PARP1: variants seen among roughly 807,000 people sequenced by gnomAD.
PARP1 encodes poly(ADP-ribose) polymerase 1, also known as poly [ADP-ribose] polymerase 1.
Under a neutral mutation model 118.7 loss-of-function variants are expected in PARP1, and 44 were observed. The observed-to-expected ratio is 0.37, with a 90% CI of 0.29 to 0.48. The LOEUF (loss-of-function observed/expected upper bound fraction) is 0.48. PARP1 is among the 20% of genes least tolerant of loss of function. PARP1 has a pLI of 0.99. For missense variants in PARP1, 1,100 were observed against 1,272.4 expected, an observed-to-expected ratio of 0.86 and a Z score of 2.06; for synonymous variants, 492 against 483.2, an observed-to-expected ratio of 1.02 and a Z score of -0.24.
chr1:226,390,309 G>T, intron 4 of PARP1, 101 bp downstream of exon 4: 1 of 1,021,536 alleles, frequency 9.8e-7, no homozygotes, highest in Non-Finnish European at 1.5e-6. Flanking sequence ...CTGACAGTCA[G>T]CGAAGGGAAA....
chr1:226,366,771 CTT>C (rs1664275582), intron 17 of PARP1: 1 of 159,942 alleles, frequency 6.3e-6, no homozygotes, highest in African/African-American at 2.4e-5. Context: ...TAGGTCTATA[CTT>C]TGTCCTAGGA....
At chr1:226,361,598 G>T (rs957589596) in intron 22 of PARP1, 57 bp from the exon 23 acceptor site, 4 of 1,219,442 alleles carry the variant, frequency 3.3e-6, no homozygotes, top group South Asian at 2.4e-5. Context: ...ATGTACATGT[G>T]CCTCATCTCC....
Position 226,367,492 on chromosome 1 carries a change from T to G in PARP1, c.2394A>C (p.Lys798Asn). ...DPIDVNYEKLKTDIKVVDRDS... is the reference protein window; with the variant it reads ...DPIDVNYEKLNTDIKVVDRDS... The stretch of plus-strand genomic sequence containing the variant: ...CTGACCCTGTTACCTTAATGTCAGT[T>G]TTGAGCTTCTCATAGTTGACATCGA... The change falls in exon 17 of 23, where the codon AAA (lysine) becomes AAC (asparagine). Residue 798 changes from lysine (K) to asparagine (N), a missense_variant. By Grantham distance (94) the Lys-to-Asn change is moderately conservative. This residue lies in a region of PARP1 where 948 missense variants were observed against 1,031.8 expected (regional missense o/e 0.92). Coordinates refer to ENST00000366794, the MANE Select transcript of PARP1 (RefSeq NM_001618.4). 1.9e-6 allele frequency: 3 copies of G among 1,614,088 alleles called. No individual in the cohort carries two copies. Among genetic ancestry groups the G allele is most frequent in the South Asian group, 2.2e-5 (2 of 91,072 alleles).
intron 16 of PARP1, among the ~76,000 whole-genome samples, 162 bp from the exon 17 acceptor site, chr1:226,367,770 G>A (rs1476020288): frequency 7.2e-5 from 11 of 152,228 alleles, no homozygotes; most frequent in Admixed American, 1.3e-4. Context: ...CATATTGAGA[G>A]CTCATAAGGA....
At chr1:226,377,021 C>T in intron 13 of PARP1, 87 bp downstream of exon 13, 2 of 1,159,316 alleles carry the variant, frequency 1.7e-6, no homozygotes, top group Non-Finnish European at 2.6e-6. Context: ...TACTATGATG[C>T]CACCTGATCC....
rs999600537 is a variant in PARP1, at chr1:226,380,157, C to T, written c.1308G>A (p.Val436=). 3.7e-6 allele frequency: 6 copies of T among 1,614,116 alleles called. No individual in the cohort carries two copies. Among genetic ancestry groups the T allele is most frequent in the South Asian group, 1.1e-5 (1 of 91,078 alleles). ...ASLCISTKKE[V]EKMNKKMEEV... ...CCTCCATCTTCTTATTCATCTTTTC[C>T]ACCTCCTCTGTTCAAATTGAAAGGA... is the stretch of plus-strand genomic sequence containing the variant. Residue 436 remains valine, a synonymous_variant, in exon 10 of 23, where the codon GTG becomes GTA. Coordinates refer to ENST00000366794, the MANE Select transcript of PARP1 (RefSeq NM_001618.4).
intron 19 of PARP1, 43 bp downstream of exon 19, chr1:226,364,959 C>T (rs1664227451): frequency 6.2e-7 from 1 of 1,609,614 alleles, no homozygotes. Context: ...GAGACACCTG[C>T]AGAGACAGGC....
chr1:226,370,557 G>A (rs2102730286), intron 14 of PARP1, 40 bp from the exon 15 acceptor site: 1 of 1,517,732 alleles, frequency 6.6e-7, no homozygotes, highest in Non-Finnish European at 9.2e-7. Flanking sequence ...GCTGGGCACT[G>A]TGCAGTGTGA....
chr1:226,381,116 T>TC lies in PARP1; in HGVS notation c.1251dup (p.Lys418GlufsTer24), dbSNP rs779960019. The TC allele has an allele frequency of 1.2e-6, 2 of 1,614,108 alleles. No individual in the cohort carries two copies. Among genetic ancestry groups the TC allele is most frequent in the Non-Finnish European group, 8.5e-7 (1 of 1,180,010 alleles). On this transcript the variant is annotated frameshift_variant, in exon 9 of 23. Transcript: ENST00000366794. LOFTEE classifies it high-confidence loss of function. ...GCCTTGTTGGCCGTCCCCGTCAACT[T>TC]CCCCCCGAGTTTCTCAATCATGGCC...
intron 5 of PARP1, among the ~76,000 whole-genome samples, chr1:226,387,847 G>C (rs3219050): frequency 6.6e-6 from 1 of 152,202 alleles, no homozygotes; most frequent in African/African-American, 2.4e-5. Flanking sequence ...CAGTTCTCCT[G>C]CAGCCAGTTT....
intron 1 of PARP1, among the ~76,000 whole-genome samples, chr1:226,406,136 T>C (rs1665141822): frequency 6.6e-6 from 1 of 151,970 alleles, no homozygotes; most frequent in Non-Finnish European, 1.5e-5. Flanking sequence ...AACTTCCAAC[T>C]GTAAAGTGAT....
chr1:226,368,990 C>G (rs1373544058), intron 15 of PARP1, among the ~76,000 whole-genome samples: 5 of 152,262 alleles, frequency 3.3e-5, no homozygotes, highest in Non-Finnish European at 5.9e-5. Flanking sequence ...TGGCACCCAG[C>G]AGGTCCGAAG....
intron 8 of PARP1, among the ~76,000 whole-genome samples, chr1:226,382,207 CAT>C (rs1230874911): frequency 3.3e-5 from 5 of 152,252 alleles, no homozygotes; most frequent in Admixed American, 6.5e-5. Flanking sequence ...GACTATGCCA[CAT>C]GTCTCTGAGT....
At chr1:226,384,232 A>C (rs1171125385) in intron 7 of PARP1, among the ~76,000 whole-genome samples, 1 of 152,224 alleles carries the variant, frequency 6.6e-6, no homozygotes, top group East Asian at 1.9e-4. Flanking sequence ...AGGTACTCCT[A>C]AAAAGAATGA....
At position 226,402,383 on chromosome 1, in the gene PARP1, G is replaced by C. The variant is rs112308271; in HGVS notation, c.121-4C>G. 3.1e-6 allele frequency: 5 copies of C among 1,611,920 alleles called. No homozygotes were observed. The highest frequency in any genetic ancestry group is 2.7e-5 in the African/African-American group (2 of 75,046). On this transcript the variant is annotated splice_polypyrimidine_tract_variant and splice_region_variant and intron_variant, in intron 1 of 22. Transcript: ENST00000366794. ...CTTTTCCATCAAACATGGGCGACTA[G>C]AAGGAAGAGAAACAGAGGGAAGTAA...
intron 12 of PARP1, among the ~76,000 whole-genome samples, chr1:226,378,001 A>ACTCC (rs1342384442): frequency 1.3e-5 from 2 of 152,188 alleles, no homozygotes; most frequent in African/African-American, 4.8e-5. Flanking sequence ...AAAATTTGGG[A>ACTCC]CTCCCTGGCC....
chr1:226,397,344 T>G (rs535476449), intron 2 of PARP1, among the ~76,000 whole-genome samples: 1 of 152,174 alleles, frequency 6.6e-6, no homozygotes, highest in East Asian at 1.9e-4. Context: ...ATACTCACCC[T>G]CTGAACCCTT....
chr1:226,368,154 C>A (rs1664307568), intron 16 of PARP1, 45 bp downstream of exon 16: 1 of 1,612,888 alleles, frequency 6.2e-7, no homozygotes, highest in African/African-American at 1.3e-5. Context: ...GGTAGTCACA[C>A]CCCAGCCCAG....
chr1:226,375,874 T>C (rs552326795), intron 13 of PARP1, among the ~76,000 whole-genome samples: 10 of 152,196 alleles, frequency 6.6e-5, no homozygotes, highest in African/African-American at 2.4e-4. Flanking sequence ...ATGGTACATA[T>C]GGTGGTGGGA....
Sources: allele counts gnomAD v4.1 joint callset (sites outside exome capture counted in the v4.1 genomes callset), GRCh38; gene constraint gnomAD v4.1.1; regional missense constraint gnomAD v4.1.1; transcripts MANE v1.5; gene names NCBI Gene and HGNC (gene_info 2026-07-23, HGNC 2026-07-21).